Variants in TMEM38B observed in about 807,000 individuals in gnomAD.
TMEM38B encodes the protein trimeric intracellular cation channel type B.
In TMEM38B, 24 loss-of-function variants were observed where a neutral mutation model predicts 28.7. The ratio of observed to expected loss-of-function variants is 0.84; its 90% CI spans 0.61 to 1.18. TMEM38B has a LOEUF of 1.18. Among genes scored for constraint, TMEM38B ranks in the 50% most tolerant of loss-of-function variants. The pLI is 0.00. For synonymous variants in TMEM38B, 131 were observed against 127.7 expected (o/e 1.03, Z -0.17); for missense variants, 380 against 350.9 (o/e 1.08, Z -0.66).
chr9:105,698,862 G>A (rs1235598482), intron 1 of TMEM38B, among the ~76,000 whole-genome samples: 2 of 152,008 alleles, frequency 1.3e-5, no homozygotes. Flanking sequence ...ATTTTAATGG[G>A]TAAATCTTAT....
At chr9:105,742,674 G>T (rs542060746) in intron 4 of TMEM38B, among the ~76,000 whole-genome samples, 1 of 152,004 alleles carries the variant, frequency 6.6e-6, no homozygotes, top group Non-Finnish European at 1.5e-5. Flanking sequence ...TGAAATCCTT[G>T]TTCCTTAGAC....
chr9:105,759,178 A>T (rs1053127873), intron 5 of TMEM38B: 2 of 751,908 alleles, frequency 2.7e-6, no homozygotes, highest in Non-Finnish European at 4.9e-6. Context: ...TATTTTCTAG[A>T]TCTCCTTGAA....
intron 5 of TMEM38B, among the ~76,000 whole-genome samples, chr9:105,770,284 G>T (rs1826502092): frequency 1.3e-5 from 2 of 152,078 alleles, no homozygotes; most frequent in African/African-American, 4.8e-5. Context: ...AACTTTATGA[G>T]GAGAGGTACT....
At chr9:105,735,030 T>G (rs1356832677) in intron 4 of TMEM38B, among the ~76,000 whole-genome samples, 1 of 152,132 alleles carries the variant, frequency 6.6e-6, no homozygotes, top group Non-Finnish European at 1.5e-5. Flanking sequence ...TTTACCTAGC[T>G]TTATTTCATT....
chr9:105,721,693 A>G lies in TMEM38B; in HGVS notation c.426A>G (p.Ile142Met), dbSNP rs747596487. The G allele has an allele frequency of 6.2e-7, 1 of 1,612,896 alleles. No homozygotes were observed. The highest frequency in any genetic ancestry group is 8.5e-7 in the Non-Finnish European group (1 of 1,179,366). ...HANSYYKNGWIVMIAIGWARG... is the reference protein window; with the variant it reads ...HANSYYKNGWMVMIAIGWARG... Reference sequence around the variant, plus strand: ...ATAGCTATTACAAAAATGGCTGGATAGTCATGATAGCTATTGGATGGGCCC... The same window carrying G: ...ATAGCTATTACAAAAATGGCTGGATGGTCATGATAGCTATTGGATGGGCCC... The change falls in exon 3 of 6, where the codon ATA becomes ATG. Residue 142 changes from isoleucine (I) to methionine (M), a missense_variant. Coordinates refer to ENST00000374692, the MANE Select transcript of TMEM38B (RefSeq NM_018112.3).
chr9:105,726,590 G>A (rs1370813718), intron 4 of TMEM38B, among the ~76,000 whole-genome samples: 1 of 151,900 alleles, frequency 6.6e-6, no homozygotes, highest in East Asian at 1.9e-4. Flanking sequence ...AATATTTCCT[G>A]AAGGATCTGA....
At chr9:105,732,896 G>C (rs2133594296) in intron 4 of TMEM38B, among the ~76,000 whole-genome samples, 1 of 152,232 alleles carries the variant, frequency 6.6e-6, no homozygotes, top group South Asian at 2.1e-4. Context: ...AAATTACCTT[G>C]GACAGTATGG....
intron 2 of TMEM38B, among the ~76,000 whole-genome samples, chr9:105,711,820 CAA>C (rs534100894): frequency 7.2e-4 from 72 of 99,522 alleles, no homozygotes; most frequent in Non-Finnish European, 4.4e-4. Flanking sequence ...ACCCTGTCTC[CAA>C]AAAAAAAAAA....
rs71489351 is a variant in TMEM38B at position 105,738,715 on chromosome 9, CTTTTTTTTTTT to C, written c.543-9347_543-9337del. 9.4e-4 allele frequency among the ~76,000 whole-genome samples: 103 copies of C among 109,692 alleles called. 2 individuals carry two copies. The Admixed American group carries it at 0.01, about 11-fold the overall frequency. 72.0% of individuals were successfully genotyped at this position (109,692 alleles called of 152,430 possible). The stretch of plus-strand genomic sequence containing the variant: ...CAGATCCATATGAGTTAATTTTTTC[CTTTTTTTTTTT>C]TTTTTTTTTTGAGACAAGGTCTCAC... On this transcript the variant is annotated intron_variant, in intron 4 of 5. Transcript: ENST00000374692.
intron 2 of TMEM38B, among the ~76,000 whole-genome samples, chr9:105,721,167 T>C (rs962532698): frequency 7.9e-5 from 12 of 152,192 alleles, no homozygotes; most frequent in African/African-American, 2.7e-4. Flanking sequence ...ACAAAGACAC[T>C]GTGTAGGAGT....
intron 4 of TMEM38B, among the ~76,000 whole-genome samples, chr9:105,742,695 A>T (rs1221349730): frequency 6.6e-6 from 1 of 152,194 alleles, no homozygotes; most frequent in Non-Finnish European, 1.5e-5. Flanking sequence ...TCAACCCTTA[A>T]GAGAATACAA....
At chr9:105,743,544 A>G (rs1453355504) in intron 4 of TMEM38B, among the ~76,000 whole-genome samples, 3 of 152,182 alleles carry the variant, frequency 2.0e-5, no homozygotes, top group Non-Finnish European at 4.4e-5. Flanking sequence ...TATAACATGA[A>G]GTGATGCTTC....
chr9:105,709,349 A>G (rs1835808453), intron 2 of TMEM38B, among the ~76,000 whole-genome samples: 1 of 152,184 alleles, frequency 6.6e-6, no homozygotes, highest in Admixed American at 6.5e-5. Flanking sequence ...TAATAATGGG[A>G]TCAGACAAAC....
intron 2 of TMEM38B, among the ~76,000 whole-genome samples, chr9:105,708,992 A>ATT (rs61703546): frequency 8.5e-5 from 12 of 141,066 alleles, no homozygotes; most frequent in African/African-American, 1.5e-4. Flanking sequence ...CACGTTGGCT[A>ATT]TTTTTTTTTT....
chr9:105,704,991 A>G (rs1357691258), intron 1 of TMEM38B, among the ~76,000 whole-genome samples: 1 of 152,018 alleles, frequency 6.6e-6, no homozygotes, highest in Non-Finnish European at 1.5e-5. Context: ...ATCAGGAGTC[A>G]CTTGATGTTA....
chr9:105,747,970 T>G (rs1837488996), intron 4 of TMEM38B, 103 bp from the exon 5 acceptor site: 7 of 723,866 alleles, frequency 9.7e-6, no homozygotes, highest in Non-Finnish European at 1.7e-5. Flanking sequence ...GCATTACATC[T>G]ATTAATAACC....
At chr9:105,754,134 A>G (rs1175734599) in intron 5 of TMEM38B, among the ~76,000 whole-genome samples, 1 of 151,928 alleles carries the variant, frequency 6.6e-6, no homozygotes, top group Admixed American at 6.6e-5. Flanking sequence ...ACCCAGATTC[A>G]TAAAGCAAGT....
At chr9:105,709,258 AATAT>A in intron 2 of TMEM38B, among the ~76,000 whole-genome samples, 1 of 152,298 alleles carries the variant, frequency 6.6e-6, no homozygotes, top group African/African-American at 2.4e-5. Context: ...TAAACAATTT[AATAT>A]AACTCCAGTA....
intron 2 of TMEM38B, among the ~76,000 whole-genome samples, chr9:105,718,765 A>C (rs1022681595): frequency 3.3e-5 from 5 of 152,166 alleles, no homozygotes; most frequent in African/African-American, 1.2e-4. Context: ...ATAATTTTTT[A>C]GTATGTTTAT....
Sources: allele counts gnomAD v4.1 joint callset (sites outside exome capture counted in the v4.1 genomes callset), GRCh38; gene constraint gnomAD v4.1.1; transcripts MANE v1.5; gene names NCBI Gene and HGNC (gene_info 2026-07-23, HGNC 2026-07-21).